The following KANK1 variants were observed in gnomAD, a reference collection of about 807,000 sequenced individuals.
The protein encoded by KANK1 is KN motif and ankyrin repeat domains 1.
In KANK1, 109 loss-of-function variants were observed where a neutral mutation model predicts 106.2. That is an observed-to-expected ratio of 1.03 (90% CI 0.88 to 1.20). The LOEUF (loss-of-function observed/expected upper bound fraction) is 1.20, where lower values mean the gene tolerates loss of function less well. Among genes scored for constraint, KANK1 ranks in the 50% most tolerant of loss-of-function variants. KANK1 has a pLI of 0.00. For missense variants in KANK1, 2,399 were observed against 1,710.7 expected (o/e 1.40, Z -7.10); for synonymous variants, 873 against 652.2 (o/e 1.34, Z -5.16).
intron 1 of KANK1, among the ~76,000 whole-genome samples, chr9:654,929 C>T (rs894765672): frequency 6.6e-6 from 1 of 152,036 alleles, no homozygotes; most frequent in African/African-American, 2.4e-5. Flanking sequence ...GATCTCGGAA[C>T]ACGTTTTGAG....
chr9:493,411 G>GATAACACAGAAGGGGCAAGT (rs1564121353), intron 3 of KANK1, among the ~76,000 whole-genome samples: 1 of 152,032 alleles, frequency 6.6e-6, no homozygotes, highest in African/African-American at 2.4e-5. Flanking sequence ...AATGACAGAA[G>GATAACACAGAAGGGGCAAGT]CCCCCAGTGA....
intron 1 of KANK1, among the ~76,000 whole-genome samples, chr9:604,738 G>A (rs914315018): frequency 6.6e-6 from 1 of 151,822 alleles, no homozygotes; most frequent in Non-Finnish European, 1.5e-5. Flanking sequence ...GCTGAGGCAG[G>A]AGAATCGATT....
At chr9:491,353 C>T (rs111360383) in intron 3 of KANK1, among the ~76,000 whole-genome samples, 2,295 of 151,594 alleles carry the variant, frequency 0.015, 70 homozygotes, top group African/African-American at 0.051. Flanking sequence ...CTGCAACCTC[C>T]GCCTCCCGGG....
At chr9:588,692 T>A (rs1450265523) in intron 1 of KANK1, among the ~76,000 whole-genome samples, 1 of 152,216 alleles carries the variant, frequency 6.6e-6, no homozygotes, top group Non-Finnish European at 1.5e-5. Context: ...ACTGGTTTAT[T>A]TCTATCTAGC....
chr9:591,944 C>T (rs1825000212), intron 1 of KANK1, among the ~76,000 whole-genome samples: 1 of 151,766 alleles, frequency 6.6e-6, no homozygotes, highest in Non-Finnish European at 1.5e-5. Flanking sequence ...CAGGAGTGAG[C>T]CACTGTGCCC....
intron 1 of KANK1, among the ~76,000 whole-genome samples, chr9:509,185 C>T (rs1474839218): frequency 2.6e-5 from 4 of 152,144 alleles, no homozygotes; most frequent in African/African-American, 9.7e-5. Flanking sequence ...GGAACCTCTG[C>T]CTCCTGAGTT....
At chr9:592,020 T>C (rs1008011018) in intron 1 of KANK1, among the ~76,000 whole-genome samples, 2 of 151,730 alleles carry the variant, frequency 1.3e-5, no homozygotes, top group East Asian at 1.9e-4. Flanking sequence ...TGTAACACCA[T>C]AGGGGCAGGG....
chr9:559,718 G>A (rs1395185552), intron 1 of KANK1, among the ~76,000 whole-genome samples: 4 of 152,164 alleles, frequency 2.6e-5, no homozygotes, highest in African/African-American at 9.7e-5. Context: ...TTCTGACATA[G>A]GGAATGAGAG....
chr9:634,881 C>T (rs1362235529), intron 1 of KANK1, among the ~76,000 whole-genome samples: 5 of 152,206 alleles, frequency 3.3e-5, no homozygotes, highest in Non-Finnish European at 7.3e-5. Flanking sequence ...ACTCTGCCAT[C>T]CACTATGCAC....
intron 1 of KANK1, among the ~76,000 whole-genome samples, chr9:660,756 C>G (rs1283346804): frequency 6.6e-6 from 1 of 152,188 alleles, no homozygotes; most frequent in African/African-American, 2.4e-5. Context: ...AGCAACTCTA[C>G]CACTGGAAGG....
At chr9:578,670 G>A (rs1821239299) in intron 1 of KANK1, among the ~76,000 whole-genome samples, 1 of 152,050 alleles carries the variant, frequency 6.6e-6, no homozygotes, top group Admixed American at 6.5e-5. Context: ...AAAAAATCAA[G>A]CATGACAATT....
intron 1 of KANK1, among the ~76,000 whole-genome samples, chr9:600,959 G>A (rs1827598007): frequency 6.6e-6 from 1 of 151,698 alleles, no homozygotes; most frequent in African/African-American, 2.4e-5. Flanking sequence ...GTCTTTCTGA[G>A]TCTCATGTCT....
intron 1 of KANK1, among the ~76,000 whole-genome samples, chr9:625,937 C>T (rs958536749): frequency 2.0e-5 from 3 of 152,080 alleles, no homozygotes; most frequent in Admixed American, 2.0e-4. Flanking sequence ...CTCTTATTCC[C>T]ACCTTCAGTC....
intron 1 of KANK1, among the ~76,000 whole-genome samples, chr9:579,192 T>G (rs1821373433): frequency 6.6e-6 from 1 of 152,098 alleles, no homozygotes; most frequent in African/African-American, 2.4e-5. Flanking sequence ...CCACGTAGCC[T>G]TCCCCGACCC....
chr9:488,963 G>A (rs1379248378), intron 3 of KANK1: 2 of 152,128 alleles, frequency 1.3e-5, no homozygotes, highest in Non-Finnish European at 2.9e-5. Context: ...GTACCTCAGT[G>A]ATCTGGAGTC....
chr9:536,267 A>C (rs1305729600), intron 1 of KANK1, among the ~76,000 whole-genome samples: 1 of 152,176 alleles, frequency 6.6e-6, no homozygotes, highest in Admixed American at 6.5e-5. Flanking sequence ...CTTGAAACCC[A>C]GGAGGCAGAG....
chr9:568,384 T>C (rs2804266), intron 1 of KANK1, among the ~76,000 whole-genome samples: 98,230 of 152,120 alleles, frequency 0.65, 33,199 homozygotes, highest in Non-Finnish European at 0.76. Context: ...TAACAAATTA[T>C]TAAGTTTCTG....
At chr9:496,548 C>G (rs1040917936) in intron 3 of KANK1, among the ~76,000 whole-genome samples, 10 of 152,070 alleles carry the variant, frequency 6.6e-5, no homozygotes, top group Non-Finnish European at 2.9e-5. Flanking sequence ...CAGAGCAAGA[C>G]TCCATCTCAA....
intron 1 of KANK1, among the ~76,000 whole-genome samples, chr9:529,268 C>T (rs1370360673): frequency 6.6e-6 from 1 of 151,466 alleles, no homozygotes; most frequent in African/African-American, 2.4e-5. Flanking sequence ...TACACACACA[C>T]ACAGACACAC....
Sources: gnomAD v4.1 joint callset for allele counts (sites outside exome capture counted in the v4.1 genomes callset) on GRCh38, gnomAD v4.1.1 for gene constraint, MANE v1.5 for transcripts, NCBI Gene and HGNC (gene_info 2026-07-23, HGNC 2026-07-21) for gene names.